The following TNFSF4 variants were observed in gnomAD, a reference collection of about 807,000 sequenced individuals.
TNFSF4 encodes TNF superfamily member 4.
TNFSF4 carries 4 observed loss-of-function variants against 7.3 expected under a neutral mutation model. The ratio of observed to expected loss-of-function variants is 0.55; its 90% CI spans 0.27 to 1.25. TNFSF4 has a LOEUF of 1.25. TNFSF4 is among the 50% of genes most tolerant of loss of function. The probability of loss-of-function intolerance (pLI) is 0.12; values close to 1 mark genes in which losing one functional copy is unlikely to be tolerated. For synonymous variants in TNFSF4, 76 were observed against 83.7 expected (o/e 0.91, Z 0.50); for missense variants, 181 against 208.8 (o/e 0.87, Z 0.82).
the TNFSF4 span, among the ~76,000 whole-genome samples, chr1:173,271,058 C>A: frequency 3.3e-5 from 5 of 152,262 alleles, no homozygotes; most frequent in African/African-American, 1.2e-4. Flanking sequence ...CCTTAAAGAA[C>A]TGAGATTCTA....
the TNFSF4 span, among the ~76,000 whole-genome samples, chr1:173,368,572 C>A: frequency 6.6e-6 from 1 of 152,184 alleles, no homozygotes; most frequent in Non-Finnish European, 1.5e-5. Flanking sequence ...TGGGAAAGGG[C>A]TCTCTAACCA....
chr1:173,430,946 G>T, the TNFSF4 span, among the ~76,000 whole-genome samples: 2 of 152,160 alleles, frequency 1.3e-5, no homozygotes, highest in African/African-American at 2.4e-5. Context: ...GTAAAACAAA[G>T]AATCCATTTG....
the TNFSF4 span, among the ~76,000 whole-genome samples, chr1:173,326,286 T>G: frequency 2.0e-5 from 3 of 152,226 alleles, no homozygotes; most frequent in Non-Finnish European, 4.4e-5. Context: ...TCTCAATAGA[T>G]GCAGAAAAGG....
At chr1:173,213,308 T>A in the TNFSF4 span, among the ~76,000 whole-genome samples, 13 of 152,266 alleles carry the variant, frequency 8.5e-5, no homozygotes, top group East Asian at 3.9e-4. Flanking sequence ...TGTTTTTTTT[T>A]AAATCTTGAC....
chr1:173,348,368 A>G, the TNFSF4 span, among the ~76,000 whole-genome samples: 2 of 152,132 alleles, frequency 1.3e-5, no homozygotes, highest in African/African-American at 4.8e-5. Context: ...TTTACCTTCC[A>G]CCATGATTGT....
the TNFSF4 span, among the ~76,000 whole-genome samples, chr1:173,330,322 T>A: frequency 4.6e-5 from 7 of 150,932 alleles, no homozygotes; most frequent in Non-Finnish European, 8.9e-5. Context: ...ACAATATTAA[T>A]GGTATATTAT....
chr1:173,276,188 C>T, the TNFSF4 span, among the ~76,000 whole-genome samples: 2 of 152,016 alleles, frequency 1.3e-5, no homozygotes, highest in African/African-American at 2.4e-5. Flanking sequence ...CAGAGAAGAC[C>T]GGTGACATTG....
At chr1:173,219,005 T>C in the TNFSF4 span, among the ~76,000 whole-genome samples, 1 of 152,204 alleles carries the variant, frequency 6.6e-6, no homozygotes. Flanking sequence ...TTGCCAATTG[T>C]ATTATATTCA....
chr1:173,226,524 T>C, the TNFSF4 span, among the ~76,000 whole-genome samples: 1 of 152,252 alleles, frequency 6.6e-6, no homozygotes, highest in Admixed American at 6.5e-5. Flanking sequence ...AGCTAGATGG[T>C]TACATGAGAT....
chr1:173,262,843 G>A, the TNFSF4 span, among the ~76,000 whole-genome samples: 15 of 152,000 alleles, frequency 9.9e-5, no homozygotes, highest in African/African-American at 1.5e-4. Flanking sequence ...CTCATGATCC[G>A]CCCGTCTCGG....
chr1:173,438,538 G>T, the TNFSF4 span, among the ~76,000 whole-genome samples: 1 of 151,624 alleles, frequency 6.6e-6, no homozygotes, highest in Non-Finnish European at 1.5e-5. Context: ...TCTATACTTC[G>T]ACTTACCAAG....
chr1:173,377,939 T>C, the TNFSF4 span, among the ~76,000 whole-genome samples: 2 of 152,232 alleles, frequency 1.3e-5, no homozygotes, highest in African/African-American at 2.4e-5. Flanking sequence ...AACATCTTTA[T>C]AGGACATGGT....
At chr1:173,375,855 A>T in the TNFSF4 span, among the ~76,000 whole-genome samples, 1 of 151,962 alleles carries the variant, frequency 6.6e-6, no homozygotes, top group South Asian at 2.1e-4. Flanking sequence ...AAACTTTACT[A>T]CCACTCACTC....
At chr1:173,269,084 A>G in the TNFSF4 span, among the ~76,000 whole-genome samples, 1 of 152,132 alleles carries the variant, frequency 6.6e-6, no homozygotes, top group African/African-American at 2.4e-5. Flanking sequence ...TGTGCACGTG[A>G]CTTACTAAGG....
At chr1:173,319,289 G>C in the TNFSF4 span, among the ~76,000 whole-genome samples, 1 of 152,150 alleles carries the variant, frequency 6.6e-6, no homozygotes, top group Non-Finnish European at 1.5e-5. Context: ...TGTTTCTCTA[G>C]ATTCTTCCTC....
the TNFSF4 span, among the ~76,000 whole-genome samples, chr1:173,398,063 A>G: frequency 1.3e-5 from 2 of 152,196 alleles, no homozygotes; most frequent in Non-Finnish European, 2.9e-5. Flanking sequence ...CTTATTCTCC[A>G]TATCTGTCCA....
At chr1:173,383,755 C>G in the TNFSF4 span, among the ~76,000 whole-genome samples, 1 of 152,124 alleles carries the variant, frequency 6.6e-6, no homozygotes, top group Non-Finnish European at 1.5e-5. Flanking sequence ...AAACCAGGGA[C>G]TGGGACCACA....
the TNFSF4 span, among the ~76,000 whole-genome samples, chr1:173,406,272 A>T: frequency 2.0e-5 from 3 of 152,142 alleles, no homozygotes; most frequent in African/African-American, 7.2e-5. Flanking sequence ...GAAAAAAAGC[A>T]CTCATTTGAG....
chr1:173,288,585 T>A, the TNFSF4 span, among the ~76,000 whole-genome samples: 1 of 152,176 alleles, frequency 6.6e-6, no homozygotes, highest in African/African-American at 2.4e-5. Flanking sequence ...ACATGTGAAA[T>A]GTTTGTAAGA....
Sources: allele counts gnomAD v4.1 joint callset (sites outside exome capture counted in the v4.1 genomes callset), GRCh38; gene constraint gnomAD v4.1.1; transcripts MANE v1.5; gene names NCBI Gene and HGNC (gene_info 2026-07-23, HGNC 2026-07-21).